The following RBMS1 variants were observed in gnomAD, a reference collection of about 807,000 sequenced individuals.
RBMS1 encodes RNA binding motif single stranded interacting protein 1.
A neutral mutation model predicts 62.3 loss-of-function variants in RBMS1; 17 were observed. That is an observed-to-expected ratio of 0.27 (90% CI 0.19 to 0.41). The LOEUF is 0.41. Among genes scored for constraint, RBMS1 ranks in the 10% least tolerant of loss-of-function variants. The pLI is 1.00. For synonymous variants in RBMS1, 172 were observed against 170.0 expected, an observed-to-expected ratio of 1.01 and a Z score of -0.09; for missense variants, 334 against 504.5, an observed-to-expected ratio of 0.66 and a Z score of 3.24.
At chr2:160,440,068 T>TGGAGAGGGGAGAGGGGAGAGG (rs772190017) in intron 1 of RBMS1, among the ~76,000 whole-genome samples, 1 of 38,890 alleles carries the variant, frequency 2.6e-5, no homozygotes, top group African/African-American at 8.8e-5. Context: ...AGGGAGACCG[T>TGGAGAGGGGAGAGGGGAGAGG]GGAGAGGGGA....
intron 1 of RBMS1, among the ~76,000 whole-genome samples, chr2:160,487,739 T>C (rs1574122430): frequency 6.6e-6 from 1 of 152,236 alleles, no homozygotes. Context: ...GGTTTTCATA[T>C]TCAATGTCCA....
chr2:160,493,191 G>A, intron 1 of RBMS1, 98 bp downstream of exon 1: 1 of 1,193,080 alleles, frequency 8.4e-7, no homozygotes, highest in Non-Finnish European at 1.2e-6. Context: ...GCCCGGCGGT[G>A]GCGGGGGTTC....
intron 1 of RBMS1, among the ~76,000 whole-genome samples, chr2:160,369,150 G>A (rs973309726): frequency 2.0e-5 from 3 of 152,276 alleles, no homozygotes; most frequent in Middle Eastern, 3.4e-3. Context: ...GGGAACATCG[G>A]TATTGCTTAA....
At chr2:160,363,302 G>A (rs1693227918) in intron 2 of RBMS1, among the ~76,000 whole-genome samples, 1 of 152,184 alleles carries the variant, frequency 6.6e-6, no homozygotes, top group Non-Finnish European at 1.5e-5. Flanking sequence ...ATGTGGCTAA[G>A]TAATGTAACA....
At position 160,286,473 on chromosome 2, in the gene RBMS1, C is replaced by T. The variant is rs1023393203; in HGVS notation, c.756+496G>A. On this transcript the variant is annotated intron_variant, in intron 7 of 13. Coordinates refer to ENST00000348849, the MANE Select transcript of RBMS1 (RefSeq NM_016836.4). ...TAGCTGGGATTACAGGCATGGACCA[C>T]CACGCAGGGCTAATTTTTGTATTTT... 1.2e-4 allele frequency among the ~76,000 whole-genome samples: 19 copies of T among 152,040 alleles called. 1 individual carries two copies. The highest frequency in any genetic ancestry group is 4.6e-4 in the African/African-American group (19 of 41,494).
chr2:160,278,860 A>C, intron 10 of RBMS1: 1 of 506,614 alleles, frequency 2.0e-6, no homozygotes. Flanking sequence ...TAAGAGCGTT[A>C]GGGGAAATGA....
chr2:160,417,737 G>T (rs1313773066), intron 1 of RBMS1, among the ~76,000 whole-genome samples: 3 of 152,182 alleles, frequency 2.0e-5, no homozygotes, highest in Non-Finnish European at 4.4e-5. Context: ...ACAAGTACAT[G>T]AATACACAGC....
chr2:160,377,574 G>A (rs745848853), intron 1 of RBMS1, among the ~76,000 whole-genome samples: 4 of 152,176 alleles, frequency 2.6e-5, no homozygotes, highest in Non-Finnish European at 5.9e-5. Flanking sequence ...CACACAGTGA[G>A]ATAAAAACCT....
At chr2:160,369,347 C>G (rs1054508627) in intron 1 of RBMS1, among the ~76,000 whole-genome samples, 1 of 152,238 alleles carries the variant, frequency 6.6e-6, no homozygotes, top group Non-Finnish European at 1.5e-5. Context: ...CCTCAGAGCA[C>G]TGGCCATGCC....
intron 1 of RBMS1, among the ~76,000 whole-genome samples, chr2:160,373,002 T>C (rs945115981): frequency 2.0e-5 from 3 of 152,170 alleles, no homozygotes; most frequent in Non-Finnish European, 4.4e-5. Context: ...ATAACAAGGA[T>C]ATCAAAGCTT....
intron 1 of RBMS1, among the ~76,000 whole-genome samples, chr2:160,470,498 T>C (rs992259565): frequency 6.6e-6 from 1 of 152,220 alleles, no homozygotes; most frequent in South Asian, 2.1e-4. Context: ...ATTACTATCG[T>C]TATTGTTAAT....
At chr2:160,407,575 C>T in intron 1 of RBMS1, 1 of 983,906 alleles carries the variant, frequency 1.0e-6, no homozygotes, top group Non-Finnish European at 1.2e-6. Context: ...GGCGCGGGCG[C>T]GGGGCAGCCT....
chr2:160,285,126 G>T (rs1330674251), intron 7 of RBMS1, 82 bp from the exon 8 acceptor site: 1 of 1,355,180 alleles, frequency 7.4e-7, no homozygotes, highest in Non-Finnish European at 1.1e-6. Flanking sequence ...GTGTGGTGGT[G>T]TGCACCTGTA....
chr2:160,281,972 C>CAAAT (rs1414911939), intron 9 of RBMS1: 1 of 210,098 alleles, frequency 4.8e-6, no homozygotes, highest in African/African-American at 2.3e-5. Flanking sequence ...CATCTACAGT[C>CAAAT]AAATGGGCAT....
intron 2 of RBMS1, among the ~76,000 whole-genome samples, chr2:160,341,512 G>A (rs1289513755): frequency 6.6e-6 from 1 of 152,116 alleles, no homozygotes; most frequent in African/African-American, 2.4e-5. Flanking sequence ...AAAAGGGGAA[G>A]GGGAATCTCA....
At chr2:160,282,055 T>C (rs1392798591) in intron 9 of RBMS1, 3 of 363,256 alleles carry the variant, frequency 8.3e-6, no homozygotes, top group Non-Finnish European at 1.6e-5. Flanking sequence ...AAAGCATGTG[T>C]AGTCTGCCAC....
intron 1 of RBMS1, among the ~76,000 whole-genome samples, chr2:160,449,303 G>A (rs900468218): frequency 1.1e-4 from 16 of 152,060 alleles, no homozygotes; most frequent in South Asian, 2.1e-4. Flanking sequence ...CCCTCTGCCC[G>A]GCCGCCACCC....
intron 1 of RBMS1, chr2:160,408,523 G>C (rs1695891405): frequency 6.6e-6 from 1 of 152,212 alleles, no homozygotes; most frequent in South Asian, 2.1e-4. Flanking sequence ...TTTCCTTCAA[G>C]ATGATAATAT....
chr2:160,383,046 G>T (rs932996596), intron 1 of RBMS1, among the ~76,000 whole-genome samples: 1 of 152,170 alleles, frequency 6.6e-6, no homozygotes, highest in South Asian at 2.1e-4. Flanking sequence ...TATCAATGGA[G>T]AGAGTGGAAA....
Sources: allele counts gnomAD v4.1 joint callset (sites outside exome capture counted in the v4.1 genomes callset), GRCh38; gene constraint gnomAD v4.1.1; transcripts MANE v1.5; gene names NCBI Gene and HGNC (gene_info 2026-07-23, HGNC 2026-07-21).